Variants in TTC28 observed in about 807,000 individuals in gnomAD.
TTC28 encodes the protein tetratricopeptide repeat protein 28.
A neutral mutation model predicts 198.0 loss-of-function variants in TTC28; 61 were observed. That is an observed-to-expected ratio of 0.31 (90% CI 0.25 to 0.38). TTC28 has a LOEUF of 0.38. Among genes scored for constraint, TTC28 ranks in the 10% least tolerant of loss-of-function variants. TTC28 has a pLI of 1.00. For missense variants in TTC28, 2,678 were observed against 3,164.0 expected, an observed-to-expected ratio of 0.85 and a Z score of 3.69; for synonymous variants, 1,171 against 1,297.8, an observed-to-expected ratio of 0.90 and a Z score of 2.10.
chr22:28,205,118 C>A (rs1926286126), intron 5 of TTC28, among the ~76,000 whole-genome samples: 1 of 151,952 alleles, frequency 6.6e-6, no homozygotes, highest in Non-Finnish European at 1.5e-5. Flanking sequence ...TTTCTTTATT[C>A]CCTCTTAGAC....
chr22:28,232,649 G>C (rs988322064), intron 5 of TTC28: 28 of 152,170 alleles, frequency 1.8e-4, no homozygotes, highest in African/African-American at 6.3e-4. Flanking sequence ...CAGTTGAGTG[G>C]TACACCAGCT....
At chr22:28,188,272 T>C (rs950140092) in intron 5 of TTC28, among the ~76,000 whole-genome samples, 1 of 152,126 alleles carries the variant, frequency 6.6e-6, no homozygotes, top group Non-Finnish European at 1.5e-5. Context: ...AGATGAAAGA[T>C]ATCCACAAAA....
rs552614665 is a variant in TTC28, at chr22:28,163,001, C to T, written c.1441+91G>A. 51 of 1,385,164 alleles carry T rather than the reference C, an allele frequency of 3.7e-5. No homozygotes were observed. In the African/African-American group the frequency reaches 6.8e-4, roughly 19 times the overall value. 85.8% of individuals were successfully genotyped at this position (1,385,164 alleles called of 1,614,324 possible). A position where few individuals can be genotyped will look rare whatever the true frequency, so the allele number is the denominator to read the frequency against. ...ATAAGGATATTCTTTTAAATATAAA[C>T]ACACAGATTCCTATAAAAGATAGTG... On this transcript the variant is annotated intron_variant, in intron 6 of 22. Transcript: ENST00000397906.
At chr22:28,000,371 G>A (rs765830022) in intron 15 of TTC28, 1 of 152,302 alleles carries the variant, frequency 6.6e-6, no homozygotes, top group African/African-American at 2.4e-5. Flanking sequence ...GGCCACCCAT[G>A]CACAGGGCCC....
intron 8 of TTC28, among the ~76,000 whole-genome samples, chr22:28,103,593 T>C (rs1942218686): frequency 6.6e-6 from 1 of 152,128 alleles, no homozygotes; most frequent in African/African-American, 2.4e-5. Context: ...GAAGAGGCAT[T>C]TGGTTTGGCC....
intron 2 of TTC28, among the ~76,000 whole-genome samples, chr22:28,607,674 C>T (rs1260651887): frequency 7.9e-5 from 12 of 152,264 alleles, no homozygotes; most frequent in Non-Finnish European, 1.5e-5. Flanking sequence ...TTTCCTCACT[C>T]TGTAACTCTG....
intron 2 of TTC28, among the ~76,000 whole-genome samples, chr22:28,480,719 A>G (rs2048235147): frequency 6.6e-6 from 1 of 152,156 alleles, no homozygotes; most frequent in Non-Finnish European, 1.5e-5. Context: ...TTTCCTATCA[A>G]ATGAAACAAC....
intron 2 of TTC28, among the ~76,000 whole-genome samples, chr22:28,485,918 T>A (rs969347362): frequency 6.6e-6 from 1 of 152,078 alleles, no homozygotes; most frequent in Non-Finnish European, 1.5e-5. Context: ...TTATTATTTT[T>A]AAAAATGTAA....
At chr22:28,403,811 T>G (rs2046956534) in intron 2 of TTC28, among the ~76,000 whole-genome samples, 1 of 152,232 alleles carries the variant, frequency 6.6e-6, no homozygotes, top group African/African-American at 2.4e-5. Context: ...TAAACAGTTT[T>G]GTATTGTTCA....
At chr22:28,191,328 T>C (rs574117821) in intron 5 of TTC28, among the ~76,000 whole-genome samples, 1 of 152,346 alleles carries the variant, frequency 6.6e-6, no homozygotes, top group South Asian at 2.1e-4. Context: ...TTCTTGCGAA[T>C]AGGAACAGCT....
intron 2 of TTC28, among the ~76,000 whole-genome samples, chr22:28,368,311 T>C (rs772628931): frequency 3.9e-5 from 6 of 152,090 alleles, no homozygotes; most frequent in East Asian, 1.9e-4. Flanking sequence ...ATCATTTCAA[T>C]TGATGCTGGA....
intron 2 of TTC28, among the ~76,000 whole-genome samples, chr22:28,363,190 C>G (rs1001740224): frequency 6.6e-6 from 1 of 152,132 alleles, no homozygotes; most frequent in South Asian, 2.1e-4. Context: ...GACCCAGGGT[C>G]CCTCTGCTGT....
intron 5 of TTC28, among the ~76,000 whole-genome samples, chr22:28,180,478 C>A (rs969252078): frequency 6.6e-6 from 1 of 152,048 alleles, no homozygotes; most frequent in Non-Finnish European, 1.5e-5. Context: ...ATCTTTGAAG[C>A]GATCACGTTT....
At chr22:28,169,957 G>T (rs1362895472) in intron 5 of TTC28, among the ~76,000 whole-genome samples, 2 of 151,848 alleles carry the variant, frequency 1.3e-5, no homozygotes, top group Non-Finnish European at 2.9e-5. Context: ...GTTGCTAATC[G>T]TACTTCTATC....
At chr22:28,612,662 ACT>A (rs2050838344) in intron 2 of TTC28, among the ~76,000 whole-genome samples, 1 of 152,148 alleles carries the variant, frequency 6.6e-6, no homozygotes, top group Admixed American at 6.5e-5. Flanking sequence ...TCAAATTAGA[ACT>A]CAGGATTAAG....
chr22:28,679,124 A>G lies in TTC28; in HGVS notation c.102+498T>C, dbSNP rs139079084. 7.1e-3 allele frequency among the ~76,000 whole-genome samples: 1,084 copies of G among 152,256 alleles called. 19 individuals are homozygous for G. The highest frequency in any genetic ancestry group is 0.024 in the African/African-American group (998 of 41,550). On this transcript the variant is annotated intron_variant, in intron 1 of 22. Coordinates refer to ENST00000397906, the MANE Select transcript of TTC28 (RefSeq NM_001145418.2). The stretch of plus-strand genomic sequence containing the variant: ...TGAGGTGGGTGGAACGCTTTTCAAA[A>G]CAACGCTCTTTGATGAGCCACCGAC...
intron 2 of TTC28, among the ~76,000 whole-genome samples, chr22:28,429,212 C>T (rs2047397855): frequency 6.6e-6 from 1 of 152,186 alleles, no homozygotes; most frequent in Non-Finnish European, 1.5e-5. Context: ...AATCAAAGAA[C>T]AGCTCTCGAG....
At chr22:28,089,452 G>A (rs1267003255) in intron 12 of TTC28, among the ~76,000 whole-genome samples, 1 of 150,834 alleles carries the variant, frequency 6.6e-6, no homozygotes, top group East Asian at 2.0e-4. Context: ...CTCATAGGTG[G>A]GAATTGAACA....
chr22:28,033,914 C>A (rs553935460), intron 12 of TTC28, among the ~76,000 whole-genome samples: 1 of 152,238 alleles, frequency 6.6e-6, no homozygotes, highest in Non-Finnish European at 1.5e-5. Context: ...TAGATATGCA[C>A]ACTAATCTCT....
Sources: allele counts gnomAD v4.1 joint callset (sites outside exome capture counted in the v4.1 genomes callset), GRCh38; gene constraint gnomAD v4.1.1; transcripts MANE v1.5; gene names NCBI Gene and HGNC (gene_info 2026-07-23, HGNC 2026-07-21).